The following CTNNA3 variants were observed in gnomAD, a reference collection of about 807,000 sequenced individuals.
CTNNA3 encodes the protein catenin alpha-3.
A neutral mutation model predicts 95.7 loss-of-function variants in CTNNA3; 76 were observed. The ratio of observed to expected loss-of-function variants is 0.79; its 90% confidence interval spans 0.66 to 0.96. CTNNA3 has a LOEUF of 0.96. Ranked by LOEUF, CTNNA3 falls within the 40% of genes least tolerant of loss-of-function variation. The pLI is 0.00. For missense variants in CTNNA3, 1,191 were observed against 1,089.8 expected, an observed-to-expected ratio of 1.09 and a Z score of -1.31; for synonymous variants, 431 against 374.4, an observed-to-expected ratio of 1.15 and a Z score of -1.74.
At chr10:66,293,311 C>T (rs956908844) in intron 12 of CTNNA3, among the ~76,000 whole-genome samples, 2 of 151,824 alleles carry the variant, frequency 1.3e-5, no homozygotes, top group Admixed American at 1.3e-4. Context: ...GTGTTTCCTA[C>T]TAACTGTAGA....
chr10:66,905,412 C>T (rs755482901), intron 7 of CTNNA3, among the ~76,000 whole-genome samples: 7 of 152,144 alleles, frequency 4.6e-5, no homozygotes, highest in African/African-American at 1.2e-4. Context: ...GGCGAAATAC[C>T]GAATGTAAAT....
intron 7 of CTNNA3, among the ~76,000 whole-genome samples, chr10:66,940,481 AT>A (rs1449398443): frequency 6.6e-6 from 1 of 152,228 alleles, no homozygotes; most frequent in Non-Finnish European, 1.5e-5. Flanking sequence ...CTCTTAAAAA[AT>A]ATATGTATAT....
intron 11 of CTNNA3, among the ~76,000 whole-genome samples, chr10:66,396,507 GAC>G (rs1439333920): frequency 7.2e-5 from 11 of 152,116 alleles, no homozygotes; most frequent in Middle Eastern, 6.8e-3. Context: ...ACATGAAAGT[GAC>G]ACCTTAGGCT....
intron 7 of CTNNA3, among the ~76,000 whole-genome samples, chr10:66,840,080 T>A (rs1266998723): frequency 6.6e-6 from 1 of 152,130 alleles, no homozygotes; most frequent in African/African-American, 2.4e-5. Context: ...TGATGCCCAC[T>A]TGAGAAGCTA....
chr10:67,338,579 T>C (rs1394870120), intron 5 of CTNNA3, among the ~76,000 whole-genome samples: 2 of 152,058 alleles, frequency 1.3e-5, no homozygotes, highest in Non-Finnish European at 2.9e-5. Flanking sequence ...AAAAAAAAAT[T>C]GTAGCTAATG....
chr10:66,693,625 C>T (rs923513322), intron 9 of CTNNA3, among the ~76,000 whole-genome samples: 2 of 152,036 alleles, frequency 1.3e-5, no homozygotes, highest in South Asian at 2.1e-4. Context: ...TAGACATCTA[C>T]AGAACTCTTC....
At chr10:66,237,156 G>T (rs1458342102) in intron 13 of CTNNA3, among the ~76,000 whole-genome samples, 1 of 151,992 alleles carries the variant, frequency 6.6e-6, no homozygotes, top group Non-Finnish European at 1.5e-5. Flanking sequence ...AAAAGAATAT[G>T]AAATATCTAA....
intron 3 of CTNNA3, among the ~76,000 whole-genome samples, chr10:67,540,087 G>A (rs1840626155): frequency 6.6e-6 from 1 of 152,008 alleles, no homozygotes; most frequent in Non-Finnish European, 1.5e-5. Context: ...TCTGATAAAA[G>A]TTTAACATAG....
chr10:67,180,767 C>T (rs1211193415), intron 6 of CTNNA3, among the ~76,000 whole-genome samples: 1 of 152,142 alleles, frequency 6.6e-6, no homozygotes, highest in Non-Finnish European at 1.5e-5. Flanking sequence ...TACATTTCTC[C>T]CTCATGCAGG....
intron 17 of CTNNA3, among the ~76,000 whole-genome samples, chr10:65,952,369 C>T (rs543002894): frequency 3.2e-4 from 48 of 152,262 alleles, no homozygotes; most frequent in African/African-American, 1.1e-3. Context: ...AAAAGCAACA[C>T]TCAATAGGGT....
intron 6 of CTNNA3, among the ~76,000 whole-genome samples, chr10:67,185,417 C>T (rs745970207): frequency 2.6e-5 from 4 of 152,216 alleles, no homozygotes; most frequent in South Asian, 2.1e-4. Flanking sequence ...TGAGCCATCA[C>T]GGCCGGCCTT....
intron 10 of CTNNA3, among the ~76,000 whole-genome samples, chr10:66,550,398 T>C (rs1025113464): frequency 8.5e-5 from 13 of 152,294 alleles, no homozygotes; most frequent in African/African-American, 3.1e-4. Context: ...TATCCTTTAA[T>C]TGGAATGCTT....
chr10:66,766,525 AT>A (rs1839865861), intron 8 of CTNNA3, 109 bp from the exon 9 acceptor site: 1 of 941,086 alleles, frequency 1.1e-6, no homozygotes, highest in Non-Finnish European at 1.5e-6. Context: ...TTTTTGCACA[AT>A]TCCTAAAATC....
intron 9 of CTNNA3, among the ~76,000 whole-genome samples, chr10:66,674,221 T>C (rs1375609803): frequency 6.6e-6 from 1 of 152,100 alleles, no homozygotes; most frequent in African/African-American, 2.4e-5. Context: ...TTGGGTTTGC[T>C]TCTGATTTTT....
chr10:65,926,305 C>T (rs1178272228), intron 17 of CTNNA3, among the ~76,000 whole-genome samples: 2 of 151,694 alleles, frequency 1.3e-5, no homozygotes, highest in Non-Finnish European at 2.9e-5. Context: ...TATGAATATT[C>T]TAGTATGTGT....
intron 7 of CTNNA3, among the ~76,000 whole-genome samples, chr10:67,136,291 T>A (rs1457780047): frequency 6.6e-6 from 1 of 152,106 alleles, no homozygotes; most frequent in Admixed American, 6.6e-5. Context: ...GGTATAAAGA[T>A]TTATGTGTGT....
At chr10:66,476,575 G>T (rs1839333824) in intron 11 of CTNNA3, among the ~76,000 whole-genome samples, 1 of 151,552 alleles carries the variant, frequency 6.6e-6, no homozygotes, top group Admixed American at 6.6e-5. Flanking sequence ...TTTTTGTTAT[G>T]TATTTATCTT....
intron 15 of CTNNA3, among the ~76,000 whole-genome samples, chr10:66,053,518 T>A (rs1208537551): frequency 1.3e-5 from 2 of 152,060 alleles, no homozygotes; most frequent in African/African-American, 4.8e-5. Flanking sequence ...CTCTTCATTT[T>A]AAAATGTACA....
chr10:67,712,350 C>A (rs1364780865), intron 1 of CTNNA3, among the ~76,000 whole-genome samples: 3 of 151,870 alleles, frequency 2.0e-5, no homozygotes, highest in African/African-American at 7.3e-5. Flanking sequence ...TAATGAGGAG[C>A]CAAGTGTTAA....
Sources: allele counts gnomAD v4.1 joint callset (sites outside exome capture counted in the v4.1 genomes callset), GRCh38; gene constraint gnomAD v4.1.1; transcripts MANE v1.5; gene names NCBI Gene and HGNC (gene_info 2026-07-23, HGNC 2026-07-21).